CARS1: variants seen among roughly 807,000 people sequenced by gnomAD.
CARS1 encodes cysteine--tRNA ligase, cytoplasmic.
A neutral mutation model predicts 106.2 loss-of-function variants in CARS1; 48 were observed. The observed-to-expected ratio is 0.45, with a 90% CI of 0.36 to 0.57. The LOEUF is 0.57. Among genes scored for constraint, CARS1 ranks in the 20% least tolerant of loss-of-function variants. The pLI, the probability that CARS1 is intolerant of heterozygous loss-of-function variation, is 0.00. For missense variants in CARS1, 968 were observed against 1,057.2 expected, an observed-to-expected ratio of 0.92 and a Z score of 1.17; for synonymous variants, 409 against 403.4, an observed-to-expected ratio of 1.01 and a Z score of -0.17.
Position 3,040,466 on chromosome 11 carries a change from G to A in CARS1, c.455+430C>T, listed in dbSNP as rs142427160. On this transcript the variant is annotated intron_variant, in intron 4 of 22. Transcript: ENST00000380525. This position sits in a 1 kb window ranked among gnomAD's most constrained non-coding sequence, Gnocchi z 5.8. ...CATTTACCCCAACAGCCAGCTACTC[G>A]TCAGGAGCTACAGCCATGACCATCC... The A allele has an allele frequency of 1.5e-4, 71 of 459,472 alleles. 2 individuals carry two copies. In the East Asian group the frequency reaches 2.7e-3, roughly 17 times the overall value. 28.5% of individuals were successfully genotyped at this position (459,472 alleles called of 1,614,324 possible). A position where few individuals can be genotyped will look rare whatever the true frequency, so the allele number is the denominator to read the frequency against.
At chr11:3,035,080 T>C (rs1175629951) in intron 7 of CARS1, among the ~76,000 whole-genome samples, 1 of 152,280 alleles carries the variant, frequency 6.6e-6, no homozygotes, top group South Asian at 2.1e-4. Flanking sequence ...AACCCATTCA[T>C]GAGGGCAGAG....
At chr11:3,051,722 TG>T (rs1855711924) in intron 1 of CARS1, among the ~76,000 whole-genome samples, 1 of 152,142 alleles carries the variant, frequency 6.6e-6, no homozygotes, top group South Asian at 2.1e-4. Context: ...AGGTGAGCCT[TG>T]TCCCCTCACA....
intron 18 of CARS1, among the ~76,000 whole-genome samples, chr11:3,010,394 C>T (rs1401899245): frequency 2.6e-5 from 4 of 152,270 alleles, no homozygotes; most frequent in South Asian, 2.1e-4. Context: ...ACGACCCCAG[C>T]GATGCCGCTA....
intron 1 of CARS1, among the ~76,000 whole-genome samples, chr11:3,056,003 A>C (rs1175047605): frequency 6.6e-6 from 1 of 152,116 alleles, no homozygotes; most frequent in Non-Finnish European, 1.5e-5. Flanking sequence ...GTGACTTCTG[A>C]GGGCCGCTTG....
rs1849490254 is a variant in CARS1, at chr11:3,002,587, T to C, written c.2231A>G (p.Lys744Arg). 2 of 1,614,050 alleles carry C rather than the reference T, an allele frequency of 1.2e-6. No homozygotes were observed. The highest frequency in any genetic ancestry group is 1.7e-5 in the Admixed American group (1 of 60,006). Residue 744 changes from lysine (K) to arginine (R), a missense_variant, in exon 21 of 23, where the codon AAG becomes AGG. By Grantham distance (26) the Lys-to-Arg change is conservative (BLOSUM62 2). Coordinates refer to ENST00000380525, the MANE Select transcript of CARS1 (RefSeq NM_001014437.3). ...REEKRRVEEEKRKKKEEAARR... is the reference protein window; with the variant it reads ...REEKRRVEEERRKKKEEAARR... ...GGCCGCCTCCTCTTTCTTCTTCCTC[T>C]TCTCCTCTTCAACCTGGAGGGTCAA...
chr11:3,050,952 C>T lies in CARS1; in HGVS notation c.26-2951G>A, dbSNP rs2134309795. 6.6e-6 allele frequency among the ~76,000 whole-genome samples: 1 copy of T among 152,376 alleles called. No homozygotes were observed. The highest frequency in any genetic ancestry group is 2.4e-5 in the African/African-American group (1 of 41,586). On this transcript the variant is annotated intron_variant, in intron 1 of 22. Coordinates refer to ENST00000380525, the MANE Select transcript of CARS1 (RefSeq NM_001014437.3). The surrounding 1 kb of genome is among the most constrained non-coding windows in gnomAD (Gnocchi z 6.3). ...ACCTTATTCACTGCTCGATCTTCAG[C>T]ATCTACAACTGAGCGTGTGACATTC... is the stretch of plus-strand genomic sequence containing the variant.
Position 3,040,189 on chromosome 11 carries a change from C to A in CARS1, c.456-258G>T. ...CTTATGATTTTCTTCATAATATTTT[C>A]TTTTCTCTGGCTTCCTTTATCATTA... On this transcript the variant is annotated intron_variant, in intron 4 of 22. Transcript: ENST00000380525. This position sits in a 1 kb window ranked among gnomAD's most constrained non-coding sequence, Gnocchi z 5.8. The A allele has an allele frequency of 2.4e-6, 1 of 412,506 alleles. No homozygotes were observed. Among genetic ancestry groups the A allele is most frequent in the African/African-American group, 2.1e-5 (1 of 48,702 alleles). The allele number at this position is 412,506 out of a possible 1,614,324, so 25.6% of individuals were successfully genotyped here.
In CARS1 at chr11:3,015,825, T is replaced by C; in HGVS notation, c.1942A>G (p.Ser648Gly). Reference sequence around the variant, plus strand: ...CCTCCGACCGGGAATCCCAGGGAGCTGTCCTCTTCTACGGCCCCAAAGATC... The same window carrying C: ...CCTCCGACCGGGAATCCCAGGGAGCCGTCCTCTTCTACGGCCCCAAAGATC... ...LKIFGAVEED[S>G]SLGFPVGGPG... The change falls in exon 17 of 23, where the codon AGC becomes GGC. Residue 648 changes from serine (S) to glycine (G), a missense_variant. Physicochemically the swap from Ser to Gly is moderately conservative, Grantham distance 56 (BLOSUM62 0). Coordinates refer to ENST00000380525, the MANE Select transcript of CARS1 (RefSeq NM_001014437.3). The C allele has an allele frequency of 1.2e-6, 2 of 1,614,110 alleles. No individual in the cohort carries two copies. Among genetic ancestry groups the C allele is most frequent in the South Asian group, 1.1e-5 (1 of 91,076 alleles).
chr11:3,031,937 G>C (rs1042634885), intron 7 of CARS1, among the ~76,000 whole-genome samples: 1 of 151,358 alleles, frequency 6.6e-6, no homozygotes, highest in African/African-American at 2.4e-5. Context: ...AGCAAGAAGG[G>C]AAAGGAAGCA....
At position 3,028,841 on chromosome 11, in the gene CARS1, C is replaced by T. The variant is rs1455514359; in HGVS notation, c.1031+155G>A. Reference sequence around the variant, plus strand: ...CATGCTCCTCAGCCCCTGGGTGGGCCCAGAGTTGTAGGAGGAAGTCTGCTG... The same window carrying T: ...CATGCTCCTCAGCCCCTGGGTGGGCTCAGAGTTGTAGGAGGAAGTCTGCTG... On this transcript the variant is annotated intron_variant, in intron 9 of 22. Coordinates refer to ENST00000380525, the MANE Select transcript of CARS1 (RefSeq NM_001014437.3). This position sits in a 1 kb window ranked among gnomAD's most constrained non-coding sequence, Gnocchi z 4.4. 12 of 642,312 alleles carry T rather than the reference C, an allele frequency of 1.9e-5. No homozygotes were observed. The highest frequency in any genetic ancestry group is 7.9e-5 in the East Asian group (3 of 38,154). 39.8% of individuals were successfully genotyped at this position (642,312 alleles called of 1,614,324 possible).
Position 3,017,800 on chromosome 11 carries a change from G to A in CARS1, c.1727+57C>T. 8.6e-7 allele frequency: 1 copy of A among 1,160,316 alleles called. No individual in the cohort carries two copies. Among genetic ancestry groups the A allele is most frequent in the Non-Finnish European group, 1.3e-6 (1 of 769,364 alleles). 71.9% of individuals were successfully genotyped at this position (1,160,316 alleles called of 1,614,324 possible). A position where few individuals can be genotyped will look rare whatever the true frequency, so the allele number is the denominator to read the frequency against. ...AGGACACATGGTGGCCAAGATGCGA[G>A]GCTAGGCATAGAACATGGGCATGCT... On this transcript the variant is annotated intron_variant, in intron 15 of 22. Coordinates refer to ENST00000380525, the MANE Select transcript of CARS1 (RefSeq NM_001014437.3). This position sits in a 1 kb window ranked among gnomAD's most constrained non-coding sequence, Gnocchi z 4.9.
In CARS1 at chr11:3,046,695, G is replaced by A. The variant is rs1855121831; in HGVS notation, c.274+1058C>T. Among the ~76,000 whole-genome samples the A allele has an allele frequency of 6.6e-6, 1 of 152,170 alleles. No homozygotes were observed. Among genetic ancestry groups the A allele is most frequent in the Non-Finnish European group, 1.5e-5 (1 of 68,026 alleles). ...TGGAGAAGCCCCCAGAAGGCTGCCA[G>A]CTACAGCCAGGACCACCAGAAAACA... On this transcript the variant is annotated intron_variant, in intron 2 of 22. Transcript: ENST00000380525. The surrounding 1 kb of genome is among the most constrained non-coding windows in gnomAD (Gnocchi z 5.8).
In CARS1 at chr11:3,046,006, C is replaced by T. The variant is rs1295950712; in HGVS notation, c.274+1747G>A. On this transcript the variant is annotated intron_variant, in intron 2 of 22. Transcript: ENST00000380525. This position sits in a 1 kb window ranked among gnomAD's most constrained non-coding sequence, Gnocchi z 5.8. Reference sequence around the variant, plus strand: ...GTGTACAGCAAGCTTGAGTGAGGGTCGCCTGACATAATGCCCATCATTCCT... The same window carrying T: ...GTGTACAGCAAGCTTGAGTGAGGGTTGCCTGACATAATGCCCATCATTCCT... 1.3e-5 allele frequency among the ~76,000 whole-genome samples: 2 copies of T among 152,174 alleles called. No individual in the cohort carries two copies. Among genetic ancestry groups the T allele is most frequent in the Admixed American group, 6.5e-5 (1 of 15,276 alleles).
At position 3,012,318 on chromosome 11, in the gene CARS1, C is replaced by T. The variant is rs557664070; in HGVS notation, c.1987-42G>A. The T allele has an allele frequency of 5.2e-6, 8 of 1,534,350 alleles. No homozygotes were observed. The African/African-American group carries it at 9.5e-5, about 18-fold the overall frequency. ...TTTGGTTCACTGAGAGCTGCTCACA[C>T]TCCCATATTCATAACAGAATAATAG... On this transcript the variant is annotated intron_variant, in intron 17 of 22. Coordinates refer to ENST00000380525, the MANE Select transcript of CARS1 (RefSeq NM_001014437.3).
chr11:3,011,358 C>G (rs1225980833), intron 18 of CARS1, among the ~76,000 whole-genome samples: 1 of 152,054 alleles, frequency 6.6e-6, no homozygotes, highest in Non-Finnish European at 1.5e-5. Context: ...GTACTCCCAG[C>G]ACTTTGGGAG....
In CARS1 at chr11:3,052,141, C is replaced by CT. The variant is rs1855756850; in HGVS notation, c.26-4141dup. ...AATGTCCTAACGGCGGCTGCAGTGGCTTTTGAGCGCTGAGGAAGCAGTCTG... is the reference window on the plus strand; with the variant it reads ...AATGTCCTAACGGCGGCTGCAGTGGCTTTTTGAGCGCTGAGGAAGCAGTCTG... On this transcript the variant is annotated intron_variant, in intron 1 of 22. Transcript: ENST00000380525. The surrounding 1 kb of genome is among the most constrained non-coding windows in gnomAD (Gnocchi z 4.6). 6.6e-6 allele frequency among the ~76,000 whole-genome samples: 1 copy of CT among 152,224 alleles called. No individual in the cohort carries two copies.
Position 3,056,447 on chromosome 11 carries a change from G to A in CARS1, c.25+896C>T, listed in dbSNP as rs1000589741. Among the ~76,000 whole-genome samples the A allele has an allele frequency of 3.3e-5, 5 of 152,204 alleles. No homozygotes were observed. In the South Asian group the frequency reaches 1.0e-3, roughly 32 times the overall value. ...AGGGACAGTGAGAGAAGAACCCACT[G>A]GTCTCTCAAGGTCTACCCGCTGGTG... On this transcript the variant is annotated intron_variant, in intron 1 of 22. Transcript: ENST00000380525.
rs1855603413 is a variant in CARS1 at position 3,050,816 on chromosome 11, T to C, written c.26-2815A>G. ...CAGGTCTTCAAGGACTCCCTGTCCATATGGCGCCCGCCTCTAGACCCTGAG... is the reference window on the plus strand; with the variant it reads ...CAGGTCTTCAAGGACTCCCTGTCCACATGGCGCCCGCCTCTAGACCCTGAG... On this transcript the variant is annotated intron_variant, in intron 1 of 22. Transcript: ENST00000380525. The surrounding 1 kb of genome is among the most constrained non-coding windows in gnomAD (Gnocchi z 6.3). Among the ~76,000 whole-genome samples, 1 of 152,180 alleles carries C rather than the reference T, an allele frequency of 6.6e-6. No individual in the cohort carries two copies. Among genetic ancestry groups the C allele is most frequent in the Non-Finnish European group, 1.5e-5 (1 of 68,032 alleles).
chr11:3,041,156 A>AC lies in CARS1; in HGVS notation c.367-173_367-172insG. ...ACAGTCTCAGTGGGAGCCCAGTGAG[A>AC]TGTACGGCACCTCCCACCAACTGAG... On this transcript the variant is annotated intron_variant, in intron 3 of 22. Coordinates refer to ENST00000380525, the MANE Select transcript of CARS1 (RefSeq NM_001014437.3). This position sits in a 1 kb window ranked among gnomAD's most constrained non-coding sequence, Gnocchi z 4.9. 9.8e-7 allele frequency: 1 copy of AC among 1,021,440 alleles called. No homozygotes were observed. Among genetic ancestry groups the AC allele is most frequent in the Non-Finnish European group, 1.4e-6 (1 of 710,198 alleles). 63.3% of individuals were successfully genotyped at this position (1,021,440 alleles called of 1,614,324 possible). A position where few individuals can be genotyped will look rare whatever the true frequency, so the allele number is the denominator to read the frequency against.
Sources: allele counts gnomAD v4.1 joint callset (sites outside exome capture counted in the v4.1 genomes callset), GRCh38; gene constraint gnomAD v4.1.1; non-coding constraint Gnocchi (gnomAD v3.1); transcripts MANE v1.5; gene names NCBI Gene and HGNC (gene_info 2026-07-23, HGNC 2026-07-21).